The following CNTNAP2 variants were observed in gnomAD, a reference collection of about 807,000 sequenced individuals.
CNTNAP2 encodes the protein contactin-associated protein-like 2.
In CNTNAP2, 98 loss-of-function variants were observed where a neutral mutation model predicts 155.2. The observed-to-expected ratio is 0.63, with a 90% confidence interval of 0.54 to 0.75. CNTNAP2 has a LOEUF of 0.75. Among genes scored for constraint, CNTNAP2 ranks in the 30% least tolerant of loss-of-function variants. CNTNAP2 has a pLI of 0.00. For missense variants in CNTNAP2, 1,727 were observed against 1,688.1 expected (o/e 1.02, Z -0.40); for synonymous variants, 651 against 631.2 (o/e 1.03, Z -0.47).
chr7:146,142,529 C>G (rs1204015720), intron 1 of CNTNAP2, among the ~76,000 whole-genome samples: 2 of 152,162 alleles, frequency 1.3e-5, no homozygotes, highest in Non-Finnish European at 2.9e-5. Context: ...AAGAAGGAAA[C>G]AGTTGAGAGG....
chr7:146,549,347 CTTAT>C, intron 1 of CNTNAP2, among the ~76,000 whole-genome samples: 1 of 151,946 alleles, frequency 6.6e-6, no homozygotes, highest in East Asian at 1.9e-4. Context: ...CAAAATGTAT[CTTAT>C]TTGTTTATAT....
chr7:146,468,077 T>G (rs1584939107), intron 1 of CNTNAP2, among the ~76,000 whole-genome samples: 1 of 152,138 alleles, frequency 6.6e-6, no homozygotes, highest in Admixed American at 6.5e-5. Context: ...ATAGACAGTA[T>G]AGAAAGATTT....
intron 20 of CNTNAP2, among the ~76,000 whole-genome samples, chr7:148,254,704 A>C (rs1205680546): frequency 6.7e-6 from 1 of 149,118 alleles, no homozygotes; most frequent in East Asian, 2.0e-4. Flanking sequence ...TGAACCCAGG[A>C]GGCGGAAGTT....
intron 13 of CNTNAP2, among the ~76,000 whole-genome samples, chr7:147,687,792 A>T (rs1353626994): frequency 6.6e-6 from 1 of 152,136 alleles, no homozygotes; most frequent in Non-Finnish European, 1.5e-5. Context: ...GAATCAGTAC[A>T]CTGTAAGTTC....
At chr7:146,764,114 G>A (rs1658264534) in intron 1 of CNTNAP2, among the ~76,000 whole-genome samples, 1 of 152,124 alleles carries the variant, frequency 6.6e-6, no homozygotes, top group Non-Finnish European at 1.5e-5. Context: ...TTTACCAGTG[G>A]ACCAATAAAT....
At chr7:147,576,322 T>G (rs964802041) in intron 12 of CNTNAP2, among the ~76,000 whole-genome samples, 1 of 152,106 alleles carries the variant, frequency 6.6e-6, no homozygotes, top group Admixed American at 6.6e-5. Context: ...TTGAGATAGG[T>G]AAGAGTGTGC....
At chr7:148,126,130 T>C (rs1416691256) in intron 16 of CNTNAP2, among the ~76,000 whole-genome samples, 1 of 152,132 alleles carries the variant, frequency 6.6e-6, no homozygotes, top group Non-Finnish European at 1.5e-5. Flanking sequence ...ATGCTAACAT[T>C]TTAAAAGAGC....
chr7:146,877,197 G>T (rs76001498), intron 3 of CNTNAP2, among the ~76,000 whole-genome samples: 1 of 151,888 alleles, frequency 6.6e-6, no homozygotes, highest in African/African-American at 2.4e-5. Context: ...TAATTTTTTC[G>T]ACCATTAAAA....
At chr7:147,684,775 TTGAA>T (rs1162258324) in intron 13 of CNTNAP2, among the ~76,000 whole-genome samples, 1 of 151,956 alleles carries the variant, frequency 6.6e-6, no homozygotes, top group East Asian at 1.9e-4. Flanking sequence ...GACAACTACA[TTGAA>T]TGAGAGTTTA....
chr7:147,453,487 A>G (rs1168181028), intron 10 of CNTNAP2, among the ~76,000 whole-genome samples: 2 of 152,202 alleles, frequency 1.3e-5, no homozygotes, highest in African/African-American at 4.8e-5. Context: ...ATTCTTGCAC[A>G]GGGCTTGGTT....
chr7:148,358,467 G>A (rs1798559916), intron 21 of CNTNAP2, among the ~76,000 whole-genome samples: 1 of 152,166 alleles, frequency 6.6e-6, no homozygotes, highest in Non-Finnish European at 1.5e-5. Context: ...AGAAGGGATG[G>A]CTTTTGGGTG....
At chr7:147,667,298 A>C (rs112095612) in intron 13 of CNTNAP2, among the ~76,000 whole-genome samples, 1,705 of 152,226 alleles carry the variant, frequency 0.011, 28 homozygotes, top group African/African-American at 0.039. Context: ...TATGAAGGAA[A>C]CCTCTGTATT....
At chr7:148,335,907 A>G (rs1798107854) in intron 21 of CNTNAP2, among the ~76,000 whole-genome samples, 1 of 152,032 alleles carries the variant, frequency 6.6e-6, no homozygotes, top group Non-Finnish European at 1.5e-5. Context: ...TCCTGGCTTG[A>G]AATTCCCATA....
intron 1 of CNTNAP2, among the ~76,000 whole-genome samples, chr7:146,648,981 CAGA>C (rs1267061709): frequency 2.0e-5 from 3 of 151,848 alleles, no homozygotes; most frequent in South Asian, 2.1e-4. Flanking sequence ...TTGTAGTAGA[CAGA>C]AGAAGACAGA....
At chr7:146,457,513 T>A (rs1285146912) in intron 1 of CNTNAP2, among the ~76,000 whole-genome samples, 1 of 30,976 alleles carries the variant, frequency 3.2e-5, no homozygotes, top group African/African-American at 9.1e-5. Context: ...TATATATATA[T>A]ATATATATAT....
At chr7:146,957,529 A>G (rs922581964) in intron 3 of CNTNAP2, among the ~76,000 whole-genome samples, 1 of 152,228 alleles carries the variant, frequency 6.6e-6, no homozygotes, top group African/African-American at 2.4e-5. Context: ...ACAAAAGCAT[A>G]GAGTAATTGT....
At chr7:148,276,272 C>T (rs1796869067) in intron 21 of CNTNAP2, among the ~76,000 whole-genome samples, 2 of 152,120 alleles carry the variant, frequency 1.3e-5, no homozygotes, top group African/African-American at 4.8e-5. Flanking sequence ...GAGACAATCC[C>T]ATAAAACAAG....
intron 15 of CNTNAP2, among the ~76,000 whole-genome samples, chr7:148,057,085 G>C (rs1474793871): frequency 3.3e-5 from 5 of 152,090 alleles, no homozygotes; most frequent in Non-Finnish European, 7.4e-5. Flanking sequence ...TTGCAGTGAG[G>C]CTTGAGTGGT....
chr7:147,844,868 T>C (rs1439776820), intron 13 of CNTNAP2, among the ~76,000 whole-genome samples: 6 of 124,990 alleles, frequency 4.8e-5, no homozygotes, highest in African/African-American at 1.8e-4. Context: ...GGTTTTTGTC[T>C]TTGGCTCTGT....
Sources: allele counts gnomAD v4.1 joint callset (sites outside exome capture counted in the v4.1 genomes callset), GRCh38; gene constraint gnomAD v4.1.1; transcripts MANE v1.5; gene names NCBI Gene and HGNC (gene_info 2026-07-23, HGNC 2026-07-21).